The following XPO6 variants were observed in gnomAD, a reference collection of about 807,000 sequenced individuals.
XPO6 encodes exportin-6.
In XPO6, 3 loss-of-function variants were observed where a neutral mutation model predicts 130.0. That is an observed-to-expected ratio of 0.02 (90% CI 0.01 to 0.06). The LOEUF (loss-of-function observed/expected upper bound fraction) is 0.06. Ranked by LOEUF, XPO6 falls within the 10% of genes least tolerant of loss-of-function variation. XPO6 has a pLI of 1.00. For synonymous variants in XPO6, 524 were observed against 548.9 expected (o/e 0.95, Z 0.63); for missense variants, 970 against 1,393.0 (o/e 0.70, Z 4.83).
chr16:28,160,263 G>A (rs2043254544), intron 6 of XPO6, among the ~76,000 whole-genome samples: 1 of 150,684 alleles, frequency 6.6e-6, no homozygotes, highest in Admixed American at 6.6e-5. Flanking sequence ...CAGCACTTTG[G>A]GAGGCTGAAG....
chr16:28,104,539 A>T lies in XPO6; in HGVS notation c.2946+7T>A. The T allele has an allele frequency of 6.2e-7, 1 of 1,613,944 alleles. No individual in the cohort carries two copies. Among genetic ancestry groups the T allele is most frequent in the Non-Finnish European group, 8.5e-7 (1 of 1,179,928 alleles). On this transcript the variant is annotated splice_region_variant and intron_variant, in intron 21 of 23. Transcript: ENST00000304658. ...GTCACCTGGCAGCAACCCCGCCCCCACGTTACCTGCATGATGGCACTGAAC... is the reference window on the plus strand; with the variant it reads ...GTCACCTGGCAGCAACCCCGCCCCCTCGTTACCTGCATGATGGCACTGAAC...
intron 6 of XPO6, among the ~76,000 whole-genome samples, chr16:28,164,474 A>AT (rs1044368635): frequency 2.6e-5 from 4 of 151,756 alleles, no homozygotes; most frequent in African/African-American, 4.8e-5. Flanking sequence ...TGAACATGCA[A>AT]TTTTTTTTTA....
chr16:28,181,507 C>T (rs2043614775), intron 1 of XPO6, among the ~76,000 whole-genome samples: 1 of 133,086 alleles, frequency 7.5e-6, no homozygotes, highest in South Asian at 2.8e-4. Context: ...GGGGGGTAAC[C>T]AGGGAGAGTG....
intron 6 of XPO6, among the ~76,000 whole-genome samples, chr16:28,163,568 G>C (rs1207015984): frequency 7.9e-5 from 12 of 152,210 alleles, no homozygotes. Flanking sequence ...GGCTGCTCAA[G>C]TGCAGCAGGA....
At chr16:28,196,408 G>A (rs2043864091) in intron 1 of XPO6, among the ~76,000 whole-genome samples, 1 of 152,160 alleles carries the variant, frequency 6.6e-6, no homozygotes, top group Admixed American at 6.5e-5. Context: ...CCAGGGGCTG[G>A]GGCAAGGGAG....
chr16:28,167,108 T>C (rs2043369124), intron 5 of XPO6: 3 of 981,402 alleles, frequency 3.1e-6, no homozygotes, highest in Non-Finnish European at 3.6e-6. Context: ...ACTCATCCAC[T>C]GCTATGGCTT....
At chr16:28,129,765 A>C (rs1363884708) in intron 12 of XPO6, among the ~76,000 whole-genome samples, 1 of 152,216 alleles carries the variant, frequency 6.6e-6, no homozygotes, top group East Asian at 1.9e-4. Flanking sequence ...TCTTACATAA[A>C]ATGTTGTAGG....
At chr16:28,167,394 CA>C in intron 5 of XPO6, 1 of 985,106 alleles carries the variant, frequency 1.0e-6, no homozygotes, top group Non-Finnish European at 1.2e-6. Flanking sequence ...TCACCTGACC[CA>C]GGCTTCAGCT....
chr16:28,127,918 A>G (rs1230013208), intron 12 of XPO6, among the ~76,000 whole-genome samples: 5 of 152,190 alleles, frequency 3.3e-5, no homozygotes, highest in Non-Finnish European at 5.9e-5. Context: ...CCTGGCGCAG[A>G]AACAAGATGG....
intron 7 of XPO6, chr16:28,153,150 T>C (rs904865964): frequency 9.9e-7 from 1 of 1,013,958 alleles, no homozygotes; most frequent in Non-Finnish European, 1.2e-6. Flanking sequence ...AGGCTGGTTT[T>C]CTTTCCGGGA....
chr16:28,174,816 A>C (rs1241034713), intron 4 of XPO6, among the ~76,000 whole-genome samples: 1 of 152,204 alleles, frequency 6.6e-6, no homozygotes, highest in Non-Finnish European at 1.5e-5. Flanking sequence ...TTATTTCTAT[A>C]AACTGTATAT....
rs528567462 is a variant in XPO6, at chr16:28,118,702, G to T, written c.1860-1240C>A. Among the ~76,000 whole-genome samples the T allele has an allele frequency of 4.5e-4, 69 of 152,248 alleles. 1 individual carries two copies. The South Asian group carries it at 0.014, about 31-fold the overall frequency. ...TGAGTAGATTATTTTCATTCAAACT[G>T]GTATAATTCATTATTGTCCTTATTC... On this transcript the variant is annotated intron_variant, in intron 14 of 23. Transcript: ENST00000304658.
intron 1 of XPO6, among the ~76,000 whole-genome samples, chr16:28,195,914 T>G (rs1178644915): frequency 2.6e-5 from 4 of 152,214 alleles, no homozygotes; most frequent in Non-Finnish European, 5.9e-5. Context: ...ACATTCATTC[T>G]TTAGGCTGGT....
intron 15 of XPO6, among the ~76,000 whole-genome samples, chr16:28,116,474 A>T (rs909215359): frequency 2.0e-5 from 3 of 149,596 alleles, no homozygotes; most frequent in African/African-American, 7.6e-5. Context: ...CAACAACAAA[A>T]ACGACAAAAA....
At chr16:28,203,445 C>G (rs532513168) in intron 1 of XPO6, among the ~76,000 whole-genome samples, 4 of 152,238 alleles carry the variant, frequency 2.6e-5, no homozygotes, top group African/African-American at 9.6e-5. Context: ...TAGACAGATA[C>G]ATTTGACAAT....
At chr16:28,165,417 T>C (rs1596916374) in intron 6 of XPO6, 3 of 152,336 alleles carry the variant, frequency 2.0e-5, no homozygotes, top group Admixed American at 2.0e-4. Context: ...TGCCACCAAA[T>C]ACAAAGTTCC....
chr16:28,162,970 G>T (rs949574472), intron 6 of XPO6, among the ~76,000 whole-genome samples: 2 of 152,052 alleles, frequency 1.3e-5, no homozygotes, highest in Non-Finnish European at 2.9e-5. Context: ...TGGCATCTGG[G>T]GCTAGATCAT....
intron 12 of XPO6, among the ~76,000 whole-genome samples, chr16:28,128,698 G>A (rs773920037): frequency 6.6e-5 from 10 of 152,108 alleles, no homozygotes; most frequent in Non-Finnish European, 1.3e-4. Flanking sequence ...CTGCACACCC[G>A]GCCCTTCAGC....
intron 6 of XPO6, among the ~76,000 whole-genome samples, chr16:28,163,601 G>A (rs374174978): frequency 1.1e-4 from 17 of 152,292 alleles, no homozygotes; most frequent in African/African-American, 3.9e-4. Flanking sequence ...AGCAGGCGGG[G>A]GGGCAATGTC....
Sources: allele counts gnomAD v4.1 joint callset (sites outside exome capture counted in the v4.1 genomes callset), GRCh38; gene constraint gnomAD v4.1.1; transcripts MANE v1.5; gene names NCBI Gene and HGNC (gene_info 2026-07-23, HGNC 2026-07-21).